LRTM2: variants seen among roughly 807,000 people sequenced by gnomAD.
LRTM2 encodes the protein leucine rich repeat transmembrane protein 2.
In LRTM2, 18 loss-of-function variants were observed where a neutral mutation model predicts 28.1. The ratio of observed to expected loss-of-function variants is 0.64; its 90% CI spans 0.44 to 0.95. The LOEUF (loss-of-function observed/expected upper bound fraction) is 0.95, where lower values mean the gene tolerates loss of function less well. LRTM2 is among the 40% of genes least tolerant of loss of function. The pLI, the probability that LRTM2 is intolerant of heterozygous loss-of-function variation, is 0.00. For missense variants in LRTM2, 436 were observed against 497.2 expected (o/e 0.88, Z 1.17); for synonymous variants, 250 against 218.7 (o/e 1.14, Z -1.26).
In LRTM2 at chr12:1,834,443, C is replaced by T; in HGVS notation, c.835C>T (p.Pro279Ser). 1 of 1,612,376 alleles carries T rather than the reference C, an allele frequency of 6.2e-7. No homozygotes were observed. Among genetic ancestry groups the T allele is most frequent in the Admixed American group, 1.7e-5 (1 of 60,018 alleles). Residue 279 changes from proline (P) to serine (S), a missense_variant, in exon 5 of 5, where the codon CCC (proline) becomes TCC (serine). Coordinates refer to ENST00000299194, the MANE Select transcript of LRTM2 (RefSeq NM_001039029.3). The surrounding 1 kb of genome is among the most constrained non-coding windows in gnomAD (Gnocchi z 7.6). ...CTKASPEPAKPKPGAEPEPEP... is the reference protein window; with the variant it reads ...CTKASPEPAKSKPGAEPEPEP... The stretch of plus-strand genomic sequence containing the variant: ...CAAGGCCAGTCCAGAGCCTGCTAAG[C>T]CCAAGCCCGGGGCTGAGCCGGAGCC...
At chr12:1,824,627 C>A (rs1237831537) in intron 1 of LRTM2, among the ~76,000 whole-genome samples, 2 of 152,214 alleles carry the variant, frequency 1.3e-5, no homozygotes, top group Non-Finnish European at 2.9e-5. Context: ...CCCCATGCTG[C>A]ACCCTGGGTA....
Position 1,834,173 on chromosome 12 carries a change from T to G in LRTM2, c.659-94T>G. On this transcript the variant is annotated intron_variant, in intron 4 of 4. Transcript: ENST00000299194. This position sits in a 1 kb window ranked among gnomAD's most constrained non-coding sequence, Gnocchi z 7.6. Reference sequence around the variant, plus strand: ...GACTACATTGCTGATAAAAACTACCTTCTGGGGCTTCCGTTTTGGGGAGCT... The same window carrying G: ...GACTACATTGCTGATAAAAACTACCGTCTGGGGCTTCCGTTTTGGGGAGCT... 1.4e-6 allele frequency: 2 copies of G among 1,417,040 alleles called. No homozygotes were observed. Among genetic ancestry groups the G allele is most frequent in the Non-Finnish European group, 1.9e-6 (2 of 1,063,536 alleles). The allele number at this position is 1,417,040 out of a possible 1,614,324, so 87.8% of individuals were successfully genotyped here. A position where few individuals can be genotyped will look rare whatever the true frequency, so the allele number is the denominator to read the frequency against.
chr12:1,824,436 C>T (rs905957430), intron 1 of LRTM2, among the ~76,000 whole-genome samples: 1 of 152,198 alleles, frequency 6.6e-6, no homozygotes, highest in African/African-American at 2.4e-5. Flanking sequence ...CCTCATTTGA[C>T]TGCTTTGAGC....
rs145662837 is a variant in LRTM2 at position 1,831,277 on chromosome 12, G to A, written c.410G>A (p.Arg137Gln). The A allele has an allele frequency of 2.1e-4, 340 of 1,613,718 alleles. 2 individuals are homozygous for A. Among genetic ancestry groups the A allele is most frequent in the South Asian group, 1.7e-3 (153 of 91,084 alleles). ...AGGACCCTGGACAGGGACCTGCTGC[G>A]GCACTCGCCGCTGCTCCGCCACCTG... ...SIRTLDRDLL[R>Q]HSPLLRHLDL... The change falls in exon 4 of 5, where the codon CGG becomes CAG. Residue 137 changes from arginine to glutamine, a missense_variant. Transcript: ENST00000299194.
intron 1 of LRTM2, among the ~76,000 whole-genome samples, chr12:1,825,788 C>G (rs1208519764): frequency 1.3e-5 from 2 of 152,190 alleles, no homozygotes; most frequent in Non-Finnish European, 2.9e-5. Context: ...GGGTGACAGT[C>G]GCCAGGGAGT....
intron 1 of LRTM2, among the ~76,000 whole-genome samples, chr12:1,825,297 G>A (rs1864269269): frequency 6.6e-6 from 1 of 152,234 alleles, no homozygotes; most frequent in Non-Finnish European, 1.5e-5. Flanking sequence ...GAAGCCTTAG[G>A]TGGAAACTGG....
At position 1,828,264 on chromosome 12, in the gene LRTM2, C is replaced by T; in HGVS notation, c.67+49C>T. ...GGGGGGTGCGGGTTGGGTGGGGGTG[C>T]CGAGGTGACTGTAGGTAGCGCCATA... is the stretch of plus-strand genomic sequence containing the variant. On this transcript the variant is annotated intron_variant, in intron 3 of 4. Coordinates refer to ENST00000299194, the MANE Select transcript of LRTM2 (RefSeq NM_001039029.3). This position sits in a 1 kb window ranked among gnomAD's most constrained non-coding sequence, Gnocchi z 4.2. The T allele has an allele frequency of 1.4e-6, 2 of 1,475,912 alleles. No homozygotes were observed. Among genetic ancestry groups the T allele is most frequent in the Non-Finnish European group, 1.8e-6 (2 of 1,095,534 alleles). The allele number at this position is 1,475,912 out of a possible 1,614,324, so 91.4% of individuals were successfully genotyped here.
At position 1,833,133 on chromosome 12, in the gene LRTM2, G is replaced by A. The variant is rs987550219; in HGVS notation, c.659-1134G>A. On this transcript the variant is annotated intron_variant, in intron 4 of 4. Coordinates refer to ENST00000299194, the MANE Select transcript of LRTM2 (RefSeq NM_001039029.3). This position sits in a 1 kb window ranked among gnomAD's most constrained non-coding sequence, Gnocchi z 4.2. ...GCAGTTTTCAGACTTTTTCAATAGC[G>A]GAGTTGCTTTCAACATTGCATTTCT... is the stretch of plus-strand genomic sequence containing the variant. Among the ~76,000 whole-genome samples the A allele has an allele frequency of 5.3e-5, 8 of 152,200 alleles. No homozygotes were observed. The highest frequency in any genetic ancestry group is 7.3e-5 in the Non-Finnish European group (5 of 68,042).
At position 1,834,193 on chromosome 12, in the gene LRTM2, G is replaced by A; in HGVS notation, c.659-74G>A. 2 of 1,486,988 alleles carry A rather than the reference G, an allele frequency of 1.3e-6. No individual in the cohort carries two copies. Among genetic ancestry groups the A allele is most frequent in the Non-Finnish European group, 1.8e-6 (2 of 1,115,682 alleles). 92.1% of individuals were successfully genotyped at this position (1,486,988 alleles called of 1,614,324 possible). A position where few individuals can be genotyped will look rare whatever the true frequency, so the allele number is the denominator to read the frequency against. On this transcript the variant is annotated intron_variant, in intron 4 of 4. Transcript: ENST00000299194. This position sits in a 1 kb window ranked among gnomAD's most constrained non-coding sequence, Gnocchi z 7.6. ...CTACCTTCTGGGGCTTCCGTTTTGGGGAGCTGGGGATGGGGAGAGGGAGTG... is the reference window on the plus strand; with the variant it reads ...CTACCTTCTGGGGCTTCCGTTTTGGAGAGCTGGGGATGGGGAGAGGGAGTG...
At chr12:1,830,707 C>T in intron 3 of LRTM2, among the ~76,000 whole-genome samples, 1 of 152,154 alleles carries the variant, frequency 6.6e-6, no homozygotes, top group Non-Finnish European at 1.5e-5. Context: ...AGATGTGTGG[C>T]AAGGCAGGGC....
chr12:1,831,584 C>CA, intron 4 of LRTM2, 59 bp downstream of exon 4: 1 of 1,396,914 alleles, frequency 7.2e-7, no homozygotes, highest in Non-Finnish European at 9.9e-7. Context: ...TCTGGCCCCA[C>CA]ACTTTCCTCC....
In LRTM2 at chr12:1,833,989, G is replaced by A. The variant is rs1278884170; in HGVS notation, c.659-278G>A. The stretch of plus-strand genomic sequence containing the variant: ...GAGGACAGGCCGGATGGAAGTGGCT[G>A]CGTGCTTCTCTATAAAATGGGAATA... On this transcript the variant is annotated intron_variant, in intron 4 of 4. Coordinates refer to ENST00000299194, the MANE Select transcript of LRTM2 (RefSeq NM_001039029.3). This position sits in a 1 kb window ranked among gnomAD's most constrained non-coding sequence, Gnocchi z 4.2. 6.6e-6 allele frequency among the ~76,000 whole-genome samples: 1 copy of A among 152,190 alleles called. No homozygotes were observed. Among genetic ancestry groups the A allele is most frequent in the Non-Finnish European group, 1.5e-5 (1 of 68,040 alleles).
chr12:1,834,813 T>A lies in LRTM2; in HGVS notation c.*92T>A. On this transcript the variant is annotated 3_prime_UTR_variant, in exon 5 of 5. Coordinates refer to ENST00000299194, the MANE Select transcript of LRTM2 (RefSeq NM_001039029.3). The surrounding 1 kb of genome is among the most constrained non-coding windows in gnomAD (Gnocchi z 7.6). The stretch of plus-strand genomic sequence containing the variant: ...CCCACCTTGACCCGGCGCTGGCCAC[T>A]GCCTCCCCGAGTCCACCCTCCTCCC... 1 of 1,453,912 alleles carries A rather than the reference T, an allele frequency of 6.9e-7. No homozygotes were observed. The highest frequency in any genetic ancestry group is 9.0e-7 in the Non-Finnish European group (1 of 1,106,616). 90.1% of individuals were successfully genotyped at this position (1,453,912 alleles called of 1,614,324 possible).
chr12:1,821,895 G>T (rs1864119475), intron 1 of LRTM2, among the ~76,000 whole-genome samples: 1 of 152,060 alleles, frequency 6.6e-6, no homozygotes, highest in Non-Finnish European at 1.5e-5. Flanking sequence ...GGGCTACTTG[G>T]GCAGTGTCTC....
chr12:1,823,299 A>G (rs138799312), intron 1 of LRTM2: 1 of 152,482 alleles, frequency 6.6e-6, no homozygotes, highest in African/African-American at 2.4e-5. Flanking sequence ...GGAGGTTTCT[A>G]GCTAGAGTCT....
At position 1,828,580 on chromosome 12, in the gene LRTM2, G is replaced by A. The variant is rs146966947; in HGVS notation, c.67+365G>A. Among the ~76,000 whole-genome samples, 37 of 152,324 alleles carry A rather than the reference G, an allele frequency of 2.4e-4. No individual in the cohort carries two copies. Among genetic ancestry groups the A allele is most frequent in the South Asian group, 2.3e-3 (11 of 4,828 alleles). On this transcript the variant is annotated intron_variant, in intron 3 of 4. Transcript: ENST00000299194. The surrounding 1 kb of genome is among the most constrained non-coding windows in gnomAD (Gnocchi z 4.2). ...AGCCTCACTGGTGCCTGAGCTTGTC[G>A]GCCTGTGTCACAGACTGCGGCGAGC...
intron 1 of LRTM2, among the ~76,000 whole-genome samples, chr12:1,825,730 T>C (rs900014160): frequency 6.6e-6 from 1 of 152,246 alleles, no homozygotes; most frequent in African/African-American, 2.4e-5. Flanking sequence ...CCTGTGTGTG[T>C]GCCCTGCTCT....
At chr12:1,822,982 G>A (rs189851317) in intron 1 of LRTM2, among the ~76,000 whole-genome samples, 2 of 152,344 alleles carry the variant, frequency 1.3e-5, no homozygotes, top group Non-Finnish European at 2.9e-5. Context: ...GGGCCCAGTC[G>A]TGGCTCTGCT....
Position 1,828,742 on chromosome 12 carries a change from G to A in LRTM2, c.67+527G>A, listed in dbSNP as rs149092225. ...AGGACCTAGTGGGCTCGTGGGATGC[G>A]GCGCTGGAAGAGACTTTGGGGAGTG... is the stretch of plus-strand genomic sequence containing the variant. On this transcript the variant is annotated intron_variant, in intron 3 of 4. Transcript: ENST00000299194. This position sits in a 1 kb window ranked among gnomAD's most constrained non-coding sequence, Gnocchi z 4.2. Among the ~76,000 whole-genome samples, 265 of 152,336 alleles carry A rather than the reference G, an allele frequency of 1.7e-3. No homozygotes were observed. Among genetic ancestry groups the A allele is most frequent in the Non-Finnish European group, 3.0e-3 (203 of 68,030 alleles).
Sources: allele counts gnomAD v4.1 joint callset (sites outside exome capture counted in the v4.1 genomes callset), GRCh38; gene constraint gnomAD v4.1.1; non-coding constraint Gnocchi (gnomAD v3.1); transcripts MANE v1.5; gene names NCBI Gene and HGNC (gene_info 2026-07-23, HGNC 2026-07-21).